ABCC5: variants seen among roughly 807,000 people sequenced by gnomAD.
ABCC5 encodes ATP-binding cassette sub-family C member 5.
A neutral mutation model predicts 160.9 loss-of-function variants in ABCC5; 61 were observed. The observed-to-expected ratio is 0.38, with a 90% CI of 0.31 to 0.47. The LOEUF (loss-of-function observed/expected upper bound fraction) is 0.47, where lower values mean the gene tolerates loss of function less well. Ranked by LOEUF, ABCC5 falls within the 20% of genes least tolerant of loss-of-function variation. The probability of loss-of-function intolerance (pLI) is 0.99; values close to 1 mark genes in which losing one functional copy is unlikely to be tolerated. For synonymous variants in ABCC5, 666 were observed against 700.6 expected, an observed-to-expected ratio of 0.95 and a Z score of 0.78; for missense variants, 1,308 against 1,813.3, an observed-to-expected ratio of 0.72 and a Z score of 5.06.
Position 183,951,497 on chromosome 3 carries a change from A to G in ABCC5, c.2888T>C (p.Phe963Ser), listed in dbSNP as rs761345783. 1 of 1,614,200 alleles carries G rather than the reference A, an allele frequency of 6.2e-7. No homozygotes were observed. Among genetic ancestry groups the G allele is most frequent in the Non-Finnish European group, 8.5e-7 (1 of 1,180,038 alleles). ...AATCCTCCCTGTGGGGGTCGTGTCA[A>G]AAAACTTCATAGGGCTTCGAAGGAT... Reference protein sequence around the residue: ...RRILRSPMKFFDTTPTGRILN... With the variant: ...RRILRSPMKFSDTTPTGRILN... The change falls in exon 20 of 30, where the codon TTT (phenylalanine) becomes TCT (serine). Residue 963 changes from phenylalanine (F) to serine (S), a missense_variant. By Grantham distance (155) the Phe-to-Ser change is radical (BLOSUM62 -2). Transcript: ENST00000334444. This position sits in a 1 kb window ranked among gnomAD's most constrained non-coding sequence, Gnocchi z 4.7.
intron 9 of ABCC5, among the ~76,000 whole-genome samples, chr3:183,978,004 C>T (rs371161184): frequency 3.9e-5 from 6 of 152,112 alleles, no homozygotes; most frequent in Admixed American, 2.0e-4. Flanking sequence ...CCGCCCGCCT[C>T]GGCCTCCCAA....
intron 1 of ABCC5, among the ~76,000 whole-genome samples, chr3:184,015,410 A>G (rs937219512): frequency 6.6e-6 from 1 of 152,176 alleles, no homozygotes; most frequent in Non-Finnish European, 1.5e-5. Flanking sequence ...CTAGCCTCCA[A>G]CGGAAATTAA....
chr3:183,998,021 G>C (rs1720418297), intron 2 of ABCC5, among the ~76,000 whole-genome samples: 1 of 152,146 alleles, frequency 6.6e-6, no homozygotes, highest in African/African-American at 2.4e-5. Context: ...CTGGGCTCAA[G>C]CAATCAATCC....
In ABCC5 at chr3:183,926,550, AAAAACAAAACAAAAC is replaced by A. The variant is rs377674885; in HGVS notation, c.4047+765_4047+779del. On this transcript the variant is annotated intron_variant, in intron 28 of 29. Transcript: ENST00000334444. ...GGGTGGCAGAGTGAGACTCTGTCTC[AAAAACAAAACAAAAC>A]AAAACAAAACCACGGATTTAATCAA... is the stretch of plus-strand genomic sequence containing the variant. Among the ~76,000 whole-genome samples, 5 of 152,088 alleles carry A rather than the reference AAAAACAAAACAAAAC, an allele frequency of 3.3e-5. No individual in the cohort carries two copies. The East Asian group carries it at 9.8e-4, about 30-fold the overall frequency.
At chr3:183,973,050 T>A (rs1161565874) in intron 10 of ABCC5, among the ~76,000 whole-genome samples, 2 of 23,010 alleles carry the variant, frequency 8.7e-5, no homozygotes. Flanking sequence ...TTGAATCCAC[T>A]TTTTTTTTTT....
At chr3:183,947,730 T>C (rs867623465) in intron 22 of ABCC5, among the ~76,000 whole-genome samples, 49 of 152,206 alleles carry the variant, frequency 3.2e-4, no homozygotes, top group South Asian at 1.7e-3. Flanking sequence ...TCTTAGTTAC[T>C]CTTTAAAAAC....
At chr3:183,933,211 G>A (rs1396465469) in intron 26 of ABCC5, among the ~76,000 whole-genome samples, 1 of 144,136 alleles carries the variant, frequency 6.9e-6, no homozygotes, top group East Asian at 2.0e-4. Flanking sequence ...ATCAAAAGGA[G>A]AAGGCACCTG....
intron 5 of ABCC5, chr3:183,983,923 T>G: frequency 2.0e-6 from 2 of 985,368 alleles, no homozygotes; most frequent in Non-Finnish European, 2.4e-6. Flanking sequence ...TCTCCGACGG[T>G]TGTTTAACGA....
intron 2 of ABCC5, among the ~76,000 whole-genome samples, chr3:183,991,135 T>C (rs1413264633): frequency 7.0e-6 from 1 of 142,182 alleles, no homozygotes; most frequent in Non-Finnish European, 1.5e-5. Context: ...CTACAAAAAG[T>C]AAAAAAAAAA....
At chr3:183,945,710 T>C (rs1414864755) in intron 24 of ABCC5, 140 bp downstream of exon 24, 12 of 716,360 alleles carry the variant, frequency 1.7e-5, no homozygotes, top group Non-Finnish European at 2.8e-5. Flanking sequence ...CCAAGCACGG[T>C]TGAGAGATTG....
chr3:183,998,315 G>A (rs1053513300), intron 2 of ABCC5, among the ~76,000 whole-genome samples: 3 of 152,070 alleles, frequency 2.0e-5, no homozygotes, highest in African/African-American at 7.2e-5. Flanking sequence ...TCTATTTTGT[G>A]GACCTCAGGT....
At chr3:183,935,551 T>A (rs1457487280) in intron 26 of ABCC5, among the ~76,000 whole-genome samples, 1 of 152,146 alleles carries the variant, frequency 6.6e-6, no homozygotes, top group African/African-American at 2.4e-5. Flanking sequence ...TCACCTAGGC[T>A]GGAGTGCAGT....
At chr3:183,965,587 C>T (rs1717144698) in intron 12 of ABCC5, 86 bp from the exon 13 acceptor site, 1 of 1,552,404 alleles carries the variant, frequency 6.4e-7, no homozygotes, top group African/African-American at 1.4e-5. Flanking sequence ...ACAATGGAAT[C>T]TAGCTCTGGT....
At chr3:183,984,240 CT>C (rs1348066933) in intron 5 of ABCC5, 2 of 985,564 alleles carry the variant, frequency 2.0e-6, no homozygotes, top group Non-Finnish European at 2.4e-6. Flanking sequence ...TGGTGGCATC[CT>C]TCTGGGTCTT....
At chr3:183,978,726 A>G (rs1718442416) in intron 8 of ABCC5, 75 bp from the exon 9 acceptor site, 1 of 1,535,672 alleles carries the variant, frequency 6.5e-7, no homozygotes, top group Admixed American at 1.8e-5. Flanking sequence ...ACCTCCAAAC[A>G]AGACTCTGTA....
rs769349869 is a variant in ABCC5 at position 183,951,840 on chromosome 3, C to T, written c.2814+17G>A. On this transcript the variant is annotated intron_variant, in intron 19 of 29. Transcript: ENST00000334444. This position sits in a 1 kb window ranked among gnomAD's most constrained non-coding sequence, Gnocchi z 4.7. ...GGTCACCAGGGAGGAGGGCAGAGAC[C>T]ACCCACCAATGCATACCTTGACAAA... The T allele has an allele frequency of 6.2e-6, 10 of 1,609,702 alleles. No individual in the cohort carries two copies. In the Admixed American group the frequency reaches 1.3e-4, roughly 21 times the overall value.
At chr3:183,925,168 T>A (rs1712410058) in intron 29 of ABCC5, among the ~76,000 whole-genome samples, 1 of 152,202 alleles carries the variant, frequency 6.6e-6, no homozygotes, top group South Asian at 2.1e-4. Context: ...TGTATGTGAA[T>A]GAATCACTAA....
intron 2 of ABCC5, among the ~76,000 whole-genome samples, chr3:183,990,617 A>G (rs12634398): frequency 0.41 from 62,461 of 151,998 alleles, 13,464 homozygotes; most frequent in African/African-American, 0.54. Context: ...CTCCCCTGTC[A>G]CAGCAGCAGC....
At chr3:183,969,475 T>A (rs1054459286) in intron 11 of ABCC5, among the ~76,000 whole-genome samples, 4 of 152,102 alleles carry the variant, frequency 2.6e-5, no homozygotes, top group African/African-American at 9.7e-5. Context: ...GCAGACCACC[T>A]GAGGTGAGGA....
Sources: gnomAD v4.1 joint callset for allele counts (sites outside exome capture counted in the v4.1 genomes callset) on GRCh38, gnomAD v4.1.1 for gene constraint, Gnocchi (gnomAD v3.1) non-coding constraint, MANE v1.5 for transcripts, NCBI Gene and HGNC (gene_info 2026-07-23, HGNC 2026-07-21) for gene names.